PMS1: variants seen among roughly 807,000 people sequenced by gnomAD.
The protein encoded by PMS1 is PMS1 protein homolog 1.
In PMS1, 79 loss-of-function variants were observed where a neutral mutation model predicts 93.1. The observed-to-expected ratio is 0.85, with a 90% CI of 0.71 to 1.02. The LOEUF is 1.02. Among genes scored for constraint, PMS1 ranks in the 50% least tolerant of loss-of-function variants. The pLI, the probability that PMS1 is intolerant of heterozygous loss-of-function variation, is 0.00. For missense variants in PMS1, 1,064 were observed against 1,085.3 expected, an observed-to-expected ratio of 0.98 and a Z score of 0.28; for synonymous variants, 335 against 363.4, an observed-to-expected ratio of 0.92 and a Z score of 0.89.
At chr2:189,827,066 A>G (rs2052500729) in intron 5 of PMS1, among the ~76,000 whole-genome samples, 1 of 152,206 alleles carries the variant, frequency 6.6e-6, no homozygotes, top group African/African-American at 2.4e-5. Context: ...CATCTTCTTT[A>G]GAACTAATAA....
chr2:189,875,926 A>G (rs2057521091), intron 12 of PMS1, among the ~76,000 whole-genome samples: 1 of 138,064 alleles, frequency 7.2e-6, no homozygotes. Context: ...ACTGCACTCC[A>G]GCCTGGGCGA....
At chr2:189,856,722 A>G (rs944626457) in intron 9 of PMS1, among the ~76,000 whole-genome samples, 2 of 152,132 alleles carry the variant, frequency 1.3e-5, no homozygotes, top group African/African-American at 4.8e-5. Context: ...TTCTCATGGA[A>G]ATAGGGACAG....
chr2:189,793,379 C>T (rs2049064990), intron 2 of PMS1, among the ~76,000 whole-genome samples: 1 of 152,178 alleles, frequency 6.6e-6, no homozygotes, highest in Non-Finnish European at 1.5e-5. Flanking sequence ...CTAATTGATG[C>T]TGATGCTGGT....
chr2:189,831,378 A>G (rs2052917221), intron 5 of PMS1, among the ~76,000 whole-genome samples: 1 of 152,222 alleles, frequency 6.6e-6, no homozygotes, highest in African/African-American at 2.4e-5. Flanking sequence ...GGAAGCTGCT[A>G]TAAATTGTAG....
chr2:189,843,213 T>C (rs1455199745), intron 5 of PMS1, among the ~76,000 whole-genome samples: 1 of 151,934 alleles, frequency 6.6e-6, no homozygotes, highest in African/African-American at 2.4e-5. Flanking sequence ...AGACAGGGTT[T>C]CACCATATTG....
chr2:189,800,156 T>C (rs974456146), intron 3 of PMS1, among the ~76,000 whole-genome samples: 3 of 152,248 alleles, frequency 2.0e-5, no homozygotes, highest in Non-Finnish European at 4.4e-5. Context: ...CAGTGAAATA[T>C]GAAATTTGTA....
intron 3 of PMS1, among the ~76,000 whole-genome samples, chr2:189,796,296 T>G (rs2049345812): frequency 6.6e-6 from 1 of 152,090 alleles, no homozygotes; most frequent in African/African-American, 2.4e-5. Flanking sequence ...AAACAGAGGC[T>G]GCAGTGACCC....
intron 10 of PMS1, among the ~76,000 whole-genome samples, chr2:189,864,686 AAATATATATATATATATATATATAT>A (rs1179165544): frequency 6.7e-4 from 21 of 31,452 alleles, no homozygotes; most frequent in East Asian, 6.3e-3. Flanking sequence ...AAAAAAAAAA[AAATATATATATATATATATATATAT>A]ATATATATAT....
chr2:189,853,525 T>C (rs895380847), intron 7 of PMS1, among the ~76,000 whole-genome samples: 3 of 151,736 alleles, frequency 2.0e-5, no homozygotes, highest in Non-Finnish European at 4.4e-5. Flanking sequence ...CTTTTCTTTT[T>C]TTTTTTTTGA....
At chr2:189,874,678 C>T (rs993468316) in intron 12 of PMS1, among the ~76,000 whole-genome samples, 15 of 152,128 alleles carry the variant, frequency 9.9e-5, no homozygotes, top group African/African-American at 3.6e-4. Flanking sequence ...TTCTGAAGGT[C>T]GGACTTCCTT....
At chr2:189,873,303 G>C (rs1473972807) in intron 11 of PMS1, among the ~76,000 whole-genome samples, 193 bp from the exon 12 acceptor site, 1 of 152,192 alleles carries the variant, frequency 6.6e-6, no homozygotes, top group Non-Finnish European at 1.5e-5. Context: ...TGTGGTGTCA[G>C]TGAGCACTTA....
chr2:189,847,018 C>T (rs1363843713), intron 6 of PMS1, among the ~76,000 whole-genome samples: 2 of 151,918 alleles, frequency 1.3e-5, no homozygotes, highest in Non-Finnish European at 2.9e-5. Flanking sequence ...CGCACCACCA[C>T]ATCCGACTAA....
chr2:189,796,612 A>G (rs1280729848), intron 3 of PMS1, among the ~76,000 whole-genome samples: 2 of 152,016 alleles, frequency 1.3e-5, no homozygotes, highest in Non-Finnish European at 2.9e-5. Flanking sequence ...ATATAAGTGG[A>G]CTCATAAAAT....
chr2:189,828,158 T>C (rs2052613299), intron 5 of PMS1, among the ~76,000 whole-genome samples: 1 of 152,126 alleles, frequency 6.6e-6, no homozygotes, highest in Admixed American at 6.5e-5. Flanking sequence ...TCTCCTGACC[T>C]CGTGATCTGC....
intron 11 of PMS1, among the ~76,000 whole-genome samples, chr2:189,871,571 C>G (rs989976090): frequency 1.3e-5 from 2 of 152,220 alleles, no homozygotes; most frequent in African/African-American, 4.8e-5. Flanking sequence ...TTTCTATCAG[C>G]ATTTTAGTCA....
At chr2:189,828,988 A>G (rs1233296) in intron 5 of PMS1, among the ~76,000 whole-genome samples, 3,762 of 152,164 alleles carry the variant, frequency 0.025, 140 homozygotes, top group African/African-American at 0.085. Flanking sequence ...CTTTTAGCAA[A>G]TAGTGTTTTT....
chr2:189,877,335 A>G lies in PMS1; in HGVS notation c.2698A>G (p.Ile900Val), dbSNP rs759710002. 1 of 1,613,188 alleles carries G rather than the reference A, an allele frequency of 6.2e-7. No individual in the cohort carries two copies. Among genetic ancestry groups the G allele is most frequent in the Non-Finnish European group, 8.5e-7 (1 of 1,179,090 alleles). ...MYLSKEDIQD[I>V]IYRMKHQFGN... ...CTTATCAAAAGAGGACATCCAAGAC[A>G]TTATCTACAGAATGAAGCACCAGTT... The change falls in exon 13 of 13, where the codon ATT (isoleucine) becomes GTT (valine). Residue 900 changes from isoleucine (I) to valine (V), a missense_variant. Ile to Val is a conservative substitution (Grantham distance 29, BLOSUM62 3). Transcript: ENST00000441310.
intron 3 of PMS1, among the ~76,000 whole-genome samples, chr2:189,796,540 C>T (rs1169174936): frequency 6.6e-6 from 1 of 152,116 alleles, no homozygotes; most frequent in South Asian, 2.1e-4. Context: ...CTTTTCCCCC[C>T]ATCCCCTAGT....
intron 9 of PMS1, 21 bp downstream of exon 9, chr2:189,855,149 T>C: frequency 6.3e-7 from 1 of 1,599,376 alleles, no homozygotes; most frequent in Non-Finnish European, 8.6e-7. Context: ...AGAGCTTGCA[T>C]GTGACTTGAA....
Sources: gnomAD v4.1 joint callset for allele counts (sites outside exome capture counted in the v4.1 genomes callset) on GRCh38, gnomAD v4.1.1 for gene constraint, MANE v1.5 for transcripts, NCBI Gene and HGNC (gene_info 2026-07-23, HGNC 2026-07-21) for gene names.